ATP11C: variants seen among roughly 807,000 people sequenced by gnomAD.
The protein encoded by ATP11C is ATPase phospholipid transporting 11C (ATP11C blood group).
ATP11C carries 36 observed loss-of-function variants against 97.4 expected under a neutral mutation model. The ratio of observed to expected loss-of-function variants is 0.37; its 90% confidence interval spans 0.28 to 0.49. The LOEUF is 0.49. ATP11C is among the 20% of genes least tolerant of loss of function. The probability of loss-of-function intolerance (pLI) is 0.98; values close to 1 mark genes in which losing one functional copy is unlikely to be tolerated. For synonymous variants in ATP11C, 275 were observed against 290.9 expected (o/e 0.95, Z 0.56); for missense variants, 730 against 824.6 (o/e 0.89, Z 1.40).
Position 139,839,289 on chromosome X carries a change from G to A in ATP11C, c.28-12466C>T, listed in dbSNP as rs141638493. Among the ~76,000 whole-genome samples, 289 of 111,563 alleles carry A rather than the reference G, an allele frequency of 2.6e-3. 2 individuals carry two copies. Among genetic ancestry groups the A allele is most frequent in the African/African-American group, 7.5e-3 (229 of 30,689 alleles). On this transcript the variant is annotated intron_variant, in intron 1 of 29. Transcript: ENST00000682941. ...CCTTTTAAGGAGATAAAAATGTTCC[G>A]GAACTAGGTACGAGTTTGTGGTTAT...
intron 1 of ATP11C, among the ~76,000 whole-genome samples, chrX:139,908,432 G>C (rs1263383442): frequency 8.9e-6 from 1 of 112,087 alleles, no homozygotes; most frequent in Non-Finnish European, 1.9e-5. Context: ...AAATGTGTTG[G>C]GTTTTCCATT....
intron 1 of ATP11C, among the ~76,000 whole-genome samples, chrX:139,896,058 G>C (rs781166141): frequency 6.3e-5 from 7 of 111,406 alleles, no homozygotes; most frequent in Non-Finnish European, 1.3e-4. Context: ...ATTTCATTCT[G>C]CTGAATGAAT....
chrX:139,811,897 C>T (rs1303308543), intron 5 of ATP11C, among the ~76,000 whole-genome samples: 4 of 111,617 alleles, frequency 3.6e-5, no homozygotes, highest in Non-Finnish European at 7.5e-5. Flanking sequence ...CTGGCATATA[C>T]TACATACCAT....
chrX:139,737,638 A>AT (rs2081470552), intron 28 of ATP11C: 1 of 210,971 alleles, frequency 4.7e-6, no homozygotes, highest in Non-Finnish European at 9.1e-6. Flanking sequence ...AAATAAAATA[A>AT]TTTTTTCCTT....
At chrX:139,915,058 A>AT (rs1387148294) in intron 1 of ATP11C, among the ~76,000 whole-genome samples, 4 of 112,010 alleles carry the variant, frequency 3.6e-5, no homozygotes, top group African/African-American at 1.3e-4. Context: ...AACCTGCAAC[A>AT]TATCAATGAA....
chrX:139,856,949 C>CA (rs1483285610), intron 1 of ATP11C, among the ~76,000 whole-genome samples: 1 of 111,385 alleles, frequency 9.0e-6, no homozygotes, highest in Non-Finnish European at 1.9e-5. Flanking sequence ...CAAACACCAC[C>CA]ACCCCTAATG....
chrX:139,927,528 C>T (rs931110150), intron 1 of ATP11C, among the ~76,000 whole-genome samples: 4 of 110,947 alleles, frequency 3.6e-5, no homozygotes, highest in African/African-American at 6.6e-5. Context: ...CGCTTGAACT[C>T]GTGAGGCGGA....
Position 139,826,177 on chromosome X carries a change from C to T in ATP11C, c.147+527G>A, listed in dbSNP as rs1022943553. On this transcript the variant is annotated intron_variant, in intron 2 of 29. Coordinates refer to ENST00000682941, the MANE Select transcript of ATP11C (RefSeq NM_001353812.2). ...TGCAGTGACTTAACTCTTAACAGAT[C>T]ACAGCTGAAGCAGTGTACTGAGCAG... 2.7e-5 allele frequency among the ~76,000 whole-genome samples: 3 copies of T among 111,058 alleles called. No individual in the cohort carries two copies. In the Admixed American group the frequency reaches 2.9e-4, roughly 11 times the overall value.
At chrX:139,743,864 A>G (rs1054774055) in intron 25 of ATP11C, among the ~76,000 whole-genome samples, 1 of 111,668 alleles carries the variant, frequency 9.0e-6, no homozygotes, top group African/African-American at 3.3e-5. Flanking sequence ...CTATTACTCC[A>G]TGCAGCACTG....
intron 1 of ATP11C, among the ~76,000 whole-genome samples, chrX:139,866,497 C>A (rs2084290745): frequency 9.1e-6 from 1 of 109,301 alleles, no homozygotes; most frequent in Non-Finnish European, 1.9e-5. Flanking sequence ...GTGGGCCGAT[C>A]GCTTGAGTTC....
intron 5 of ATP11C, among the ~76,000 whole-genome samples, chrX:139,811,483 A>G (rs2083174235): frequency 9.0e-6 from 1 of 111,539 alleles, no homozygotes; most frequent in South Asian, 3.8e-4. Context: ...CTTATTTAAA[A>G]GCACTAGCAT....
intron 1 of ATP11C, among the ~76,000 whole-genome samples, chrX:139,924,793 A>ATGACCTGTG (rs2085325193): frequency 8.9e-6 from 1 of 111,854 alleles, no homozygotes; most frequent in Admixed American, 9.5e-5. Context: ...GGAATTAAGC[A>ATGACCTGTG]TGACCTGTGT....
At chrX:139,879,283 G>A (rs1009361743) in intron 1 of ATP11C, among the ~76,000 whole-genome samples, 2 of 109,686 alleles carry the variant, frequency 1.8e-5, no homozygotes, top group African/African-American at 6.7e-5. Flanking sequence ...TCCATCAACA[G>A]ATAAATGGAT....
upstream of ATP11C, among the ~76,000 whole-genome samples, chrX:139,933,522 A>G (rs918169626): frequency 8.9e-6 from 1 of 112,468 alleles, no homozygotes; most frequent in Non-Finnish European, 1.9e-5. Flanking sequence ...CATCCCTCCC[A>G]ACTACCACAA....
chrX:139,898,232 T>C (rs1314528177), intron 1 of ATP11C, among the ~76,000 whole-genome samples: 1 of 111,519 alleles, frequency 9.0e-6, no homozygotes, highest in East Asian at 2.8e-4. Context: ...GTTCTTAAGA[T>C]ATCAGAACCT....
rs780753046 is a variant in ATP11C, at chrX:139,816,886, T to C, written c.295A>G (p.Ile99Val). Residue 99 changes from isoleucine (I) to valine (V), a missense_variant, in exon 4 of 30, where the codon ATA (isoleucine) becomes GTA (valine). By Grantham distance (29) the Ile-to-Val change is conservative. Coordinates refer to ENST00000682941, the MANE Select transcript of ATP11C (RefSeq NM_001353812.2). ...VTSGLPLFFV[I>V]TVTAIKQGYE... ...ACCTGCTTGATGGCTGTAACAGTTA[T>C]AACAAAGAAAAGTGGAAGTCCACTG... 7.5e-6 allele frequency: 9 copies of C among 1,200,865 alleles called. No homozygotes were observed. Among genetic ancestry groups the C allele is most frequent in the Non-Finnish European group, 1.0e-5 (9 of 888,584 alleles).
chrX:139,806,294 T>TA (rs1054913937), intron 5 of ATP11C, among the ~76,000 whole-genome samples: 1 of 111,512 alleles, frequency 9.0e-6, no homozygotes, highest in African/African-American at 3.3e-5. Context: ...ATGATCTAGT[T>TA]AGACAATGAA....
At position 139,887,920 on chromosome X, in the gene ATP11C, G is replaced by A. The variant is rs188725037; in HGVS notation, c.27+44096C>T. Among the ~76,000 whole-genome samples, 783 of 99,540 alleles carry A rather than the reference G, an allele frequency of 7.9e-3. 6 individuals carry two copies. The highest frequency in any genetic ancestry group is 0.028 in the Middle Eastern group (5 of 176). The allele number at this position is 99,540 out of a possible 115,157, so 86.4% of individuals were successfully genotyped here. Reference sequence around the variant, plus strand: ...CAGGAGGCGGAGGTTTCAGTGAGCCGAGATCGCACCACTGCACTCCAGCCT... The same window carrying A: ...CAGGAGGCGGAGGTTTCAGTGAGCCAAGATCGCACCACTGCACTCCAGCCT... On this transcript the variant is annotated intron_variant, in intron 1 of 29. Coordinates refer to ENST00000682941, the MANE Select transcript of ATP11C (RefSeq NM_001353812.2).
At chrX:139,769,070 T>G (rs1313627351) in intron 19 of ATP11C, among the ~76,000 whole-genome samples, 1 of 107,056 alleles carries the variant, frequency 9.3e-6, no homozygotes, top group African/African-American at 3.4e-5. Flanking sequence ...CTTTTACTGG[T>G]TCTATTTTTC....
Sources: allele counts gnomAD v4.1 joint callset (sites outside exome capture counted in the v4.1 genomes callset), GRCh38; gene constraint gnomAD v4.1.1; transcripts MANE v1.5; gene names NCBI Gene and HGNC (gene_info 2026-07-23, HGNC 2026-07-21).